L3MBTL3: variants seen among roughly 807,000 people sequenced by gnomAD.
The protein encoded by L3MBTL3 is lethal(3)malignant brain tumor-like protein 3.
In L3MBTL3, 27 loss-of-function variants were observed where a neutral mutation model predicts 102.3. That is an observed-to-expected ratio of 0.26 (90% CI 0.19 to 0.36). L3MBTL3 has a LOEUF of 0.36. Among genes scored for constraint, L3MBTL3 ranks in the 10% least tolerant of loss-of-function variants. The pLI, the probability that L3MBTL3 is intolerant of heterozygous loss-of-function variation, is 1.00. For missense variants in L3MBTL3, 798 were observed against 955.3 expected (o/e 0.84, Z 2.17); for synonymous variants, 340 against 320.9 (o/e 1.06, Z -0.64).
rs1037263471 is a variant in L3MBTL3 at position 130,021,430 on chromosome 6, G to A, written c.-94-797G>A. On this transcript the variant is annotated intron_variant, in intron 1 of 22. Transcript: ENST00000361794. Reference sequence around the variant, plus strand: ...GACTCAGACCCTGTAACTTCCATCCGACATGAGTTATATGGGAAAGACACT... The same window carrying A: ...GACTCAGACCCTGTAACTTCCATCCAACATGAGTTATATGGGAAAGACACT... Among the ~76,000 whole-genome samples, 3 of 152,318 alleles carry A rather than the reference G, an allele frequency of 2.0e-5. No homozygotes were observed. The East Asian group carries it at 5.8e-4, about 29-fold the overall frequency.
At chr6:130,103,804 A>G (rs1342710243) in intron 18 of L3MBTL3, among the ~76,000 whole-genome samples, 1 of 152,196 alleles carries the variant, frequency 6.6e-6, no homozygotes, top group East Asian at 1.9e-4. Context: ...TCACAAATGG[A>G]AGGGAAATGA....
intron 22 of L3MBTL3, among the ~76,000 whole-genome samples, chr6:130,136,625 C>CT (rs5880001): frequency 0.56 from 84,203 of 149,462 alleles, 24,134 homozygotes; most frequent in East Asian, 0.75. Flanking sequence ...CACAAATCAC[C>CT]TTTTTTTTTT....
chr6:130,100,143 ACTT>A (rs10567089), intron 18 of L3MBTL3, among the ~76,000 whole-genome samples: 5,850 of 152,314 alleles, frequency 0.038, 215 homozygotes, highest in African/African-American at 0.09. Flanking sequence ...CAAAGGAACT[ACTT>A]CTTAGGATTG....
intron 3 of L3MBTL3, among the ~76,000 whole-genome samples, chr6:130,045,278 A>C (rs1780658492): frequency 6.6e-6 from 1 of 151,970 alleles, no homozygotes; most frequent in South Asian, 2.1e-4. Context: ...CCCCAGCCCA[A>C]ACCACTAGTT....
At chr6:130,113,364 C>A (rs1285153951) in intron 19 of L3MBTL3, among the ~76,000 whole-genome samples, 1 of 152,200 alleles carries the variant, frequency 6.6e-6, no homozygotes, top group Non-Finnish European at 1.5e-5. Context: ...AGGGGTAATA[C>A]TTCACAATGT....
At chr6:130,139,062 GCCC>G (rs918905485) in intron 22 of L3MBTL3, among the ~76,000 whole-genome samples, 3 of 147,944 alleles carry the variant, frequency 2.0e-5, no homozygotes, top group African/African-American at 7.5e-5. Context: ...CTGTTTGATT[GCCC>G]CGTTAGTAAA....
chr6:130,107,179 C>T (rs1052109553), intron 19 of L3MBTL3, among the ~76,000 whole-genome samples: 1 of 148,758 alleles, frequency 6.7e-6, no homozygotes, highest in South Asian at 2.2e-4. Flanking sequence ...GAGGTGAGTG[C>T]TCTGTAGAGG....
intron 19 of L3MBTL3, among the ~76,000 whole-genome samples, chr6:130,111,659 G>C (rs1785354436): frequency 2.0e-5 from 3 of 152,132 alleles, no homozygotes; most frequent in African/African-American, 7.2e-5. Flanking sequence ...TTATTTTAAA[G>C]GTCACCTGCT....
At position 130,066,426 on chromosome 6, in the gene L3MBTL3, C is replaced by T. The variant is rs1782266814; in HGVS notation, c.938C>T (p.Ala313Val). The T allele has an allele frequency of 1.9e-6, 3 of 1,611,690 alleles. No individual in the cohort carries two copies. The highest frequency in any genetic ancestry group is 1.3e-5 in the African/African-American group (1 of 74,850). ...DCYDFWVNAD[A>V]LDIHPVGWCE... ...TATGACTTCTGGGTGAATGCAGACGCTCTGGATATCCACCCAGTTGGGTGG... is the reference window on the plus strand; with the variant it reads ...TATGACTTCTGGGTGAATGCAGACGTTCTGGATATCCACCCAGTTGGGTGG... Residue 313 changes from alanine to valine, a missense_variant, in exon 11 of 23, where the codon GCT becomes GTT. By Grantham distance (64) the Ala-to-Val change is moderately conservative. This residue lies in a region of L3MBTL3 where 434 missense variants were observed against 506.6 expected (regional missense o/e 0.86). Coordinates refer to ENST00000361794, the MANE Select transcript of L3MBTL3 (RefSeq NM_032438.4).
rs1473101933 is a variant in L3MBTL3, at chr6:130,096,727, T to C, written c.1736+2360T>C. On this transcript the variant is annotated intron_variant, in intron 18 of 22. Transcript: ENST00000361794. Reference sequence around the variant, plus strand: ...CCACACCCATTTCACCAAGTTTCAGTGGTTATATTTAGAGCATTTCTTCAT... The same window carrying C: ...CCACACCCATTTCACCAAGTTTCAGCGGTTATATTTAGAGCATTTCTTCAT... Among the ~76,000 whole-genome samples, 12 of 152,234 alleles carry C rather than the reference T, an allele frequency of 7.9e-5. No homozygotes were observed. In the East Asian group the frequency reaches 1.7e-3, roughly 22 times the overall value.
chr6:130,109,459 G>C (rs556077819), intron 19 of L3MBTL3, among the ~76,000 whole-genome samples: 11 of 152,298 alleles, frequency 7.2e-5, no homozygotes, highest in African/African-American at 1.9e-4. Flanking sequence ...AATGACCAGT[G>C]ATGATGAGCT....
At chr6:130,076,028 G>C (rs948449077) in intron 13 of L3MBTL3, among the ~76,000 whole-genome samples, 1 of 152,080 alleles carries the variant, frequency 6.6e-6, no homozygotes, top group Non-Finnish European at 1.5e-5. Context: ...TTGATGACTC[G>C]GGCTGATGAG....
intron 20 of L3MBTL3, among the ~76,000 whole-genome samples, chr6:130,132,588 A>C (rs553404713): frequency 2.8e-4 from 43 of 152,328 alleles, no homozygotes; most frequent in African/African-American, 9.9e-4. Flanking sequence ...GGTGCTTTGA[A>C]TACAGAGTTT....
intron 17 of L3MBTL3, 68 bp from the exon 18 acceptor site, chr6:130,094,197 A>G: frequency 4.9e-6 from 6 of 1,233,304 alleles, no homozygotes; most frequent in Non-Finnish European, 7.0e-6. Context: ...TCTGATCCAG[A>G]CATTTGACTC....
chr6:130,128,448 AGG>A, intron 20 of L3MBTL3, among the ~76,000 whole-genome samples: 1 of 152,136 alleles, frequency 6.6e-6, no homozygotes, highest in Non-Finnish European at 1.5e-5. Flanking sequence ...CCCAGCAGGA[AGG>A]AGGGACATAT....
intron 20 of L3MBTL3, among the ~76,000 whole-genome samples, chr6:130,130,256 T>TA (rs1786914441): frequency 6.6e-6 from 1 of 152,326 alleles, no homozygotes; most frequent in South Asian, 2.1e-4. Flanking sequence ...TTGTGACTAA[T>TA]ACAGCTTTTA....
At chr6:130,069,449 A>C (rs999292497) in intron 12 of L3MBTL3, among the ~76,000 whole-genome samples, 3 of 152,202 alleles carry the variant, frequency 2.0e-5, no homozygotes, top group African/African-American at 7.2e-5. Context: ...TCAAACACAA[A>C]CCAGGTTGGA....
chr6:130,088,440 G>A (rs1783827563), intron 16 of L3MBTL3, among the ~76,000 whole-genome samples: 1 of 152,172 alleles, frequency 6.6e-6, no homozygotes, highest in Admixed American at 6.5e-5. Context: ...GGAGGAAAAT[G>A]TAGACCAAGT....
rs1788128330 is a variant in L3MBTL3, at chr6:130,140,030, AGGGGGGCTTCATTAATTATTTAT to A, written c.*280_*302del. The A allele has an allele frequency of 2.2e-5, 1 of 45,116 alleles. No individual in the cohort carries two copies. Among genetic ancestry groups the A allele is most frequent in the African/African-American group, 9.1e-5 (1 of 10,958 alleles). The allele number at this position is 45,116 out of a possible 1,614,324, so 2.8% of individuals were successfully genotyped here. A position where few individuals can be genotyped will look rare whatever the true frequency, so the allele number is the denominator to read the frequency against. On this transcript the variant is annotated 3_prime_UTR_variant, in exon 23 of 23. Coordinates refer to ENST00000361794, the MANE Select transcript of L3MBTL3 (RefSeq NM_032438.4). The stretch of plus-strand genomic sequence containing the variant: ...TTTTTGAGTCTGGGGGGTGGGGGGA[AGGGGGGCTTCATTAATTATTTAT>A]GGTAATGGGGGGCAGAGTAAGAACT...
Sources: allele counts gnomAD v4.1 joint callset (sites outside exome capture counted in the v4.1 genomes callset), GRCh38; gene constraint gnomAD v4.1.1; regional missense constraint gnomAD v4.1.1; transcripts MANE v1.5; gene names NCBI Gene and HGNC (gene_info 2026-07-23, HGNC 2026-07-21).